JAKMIP2: variants seen among roughly 807,000 people sequenced by gnomAD.
JAKMIP2 encodes the protein janus kinase and microtubule-interacting protein 2.
JAKMIP2 carries 25 observed loss-of-function variants against 115.0 expected under a neutral mutation model. The ratio of observed to expected loss-of-function variants is 0.22; its 90% CI spans 0.16 to 0.30. The LOEUF (loss-of-function observed/expected upper bound fraction) is 0.30. JAKMIP2 is among the 10% of genes least tolerant of loss of function. The pLI is 1.00. For synonymous variants in JAKMIP2, 334 were observed against 343.6 expected, an observed-to-expected ratio of 0.97 and a Z score of 0.31; for missense variants, 642 against 957.6, an observed-to-expected ratio of 0.67 and a Z score of 4.35.
At chr5:147,654,295 A>G (rs1476053047) in intron 3 of JAKMIP2, among the ~76,000 whole-genome samples, 1 of 151,410 alleles carries the variant, frequency 6.6e-6, no homozygotes, top group Non-Finnish European at 1.5e-5. Flanking sequence ...TCTATAAATT[A>G]CTTTTGTCAG....
chr5:147,623,224 CTT>C (rs199676287), intron 17 of JAKMIP2, among the ~76,000 whole-genome samples: 11 of 138,698 alleles, frequency 7.9e-5, no homozygotes, highest in East Asian at 2.1e-4. Context: ...TTGTTCTACT[CTT>C]TTTTTTTTTT....
At chr5:147,723,110 A>G (rs1753383319) in intron 1 of JAKMIP2, among the ~76,000 whole-genome samples, 1 of 152,162 alleles carries the variant, frequency 6.6e-6, no homozygotes, top group Non-Finnish European at 1.5e-5. Context: ...GCATTTCACT[A>G]GTAGGGTTGG....
intron 12 of JAKMIP2, among the ~76,000 whole-genome samples, chr5:147,635,215 G>T (rs1162819980): frequency 1.3e-5 from 2 of 152,110 alleles, no homozygotes; most frequent in Non-Finnish European, 2.9e-5. Flanking sequence ...CACTAGATTT[G>T]TAGAAGGTAA....
chr5:147,740,772 G>A (rs547832037), intron 1 of JAKMIP2, among the ~76,000 whole-genome samples: 6 of 152,278 alleles, frequency 3.9e-5, no homozygotes, highest in African/African-American at 9.6e-5. Context: ...GTATGTGCTT[G>A]ATAAATGATA....
intron 1 of JAKMIP2, among the ~76,000 whole-genome samples, chr5:147,771,965 AT>A (rs995701484): frequency 1.4e-4 from 21 of 151,968 alleles, no homozygotes; most frequent in African/African-American, 5.1e-4. Flanking sequence ...CTCTTGGTTT[AT>A]TTTGCTGTTT....
At chr5:147,620,832 A>G (rs1756814699) in intron 17 of JAKMIP2, 89 bp from the exon 18 acceptor site, 4 of 926,826 alleles carry the variant, frequency 4.3e-6, no homozygotes, top group African/African-American at 1.6e-5. Flanking sequence ...CTCTAATTCT[A>G]CCATAAGACA....
chr5:147,666,786 T>C (rs1481924318), intron 2 of JAKMIP2, among the ~76,000 whole-genome samples: 1 of 152,206 alleles, frequency 6.6e-6, no homozygotes. Context: ...AAACTGGGAT[T>C]GTCGATATCA....
In JAKMIP2 at chr5:147,596,380, G is replaced by A. The variant is rs964265810; in HGVS notation, c.*21-4694C>T. On this transcript the variant is annotated intron_variant, in intron 21 of 21. Coordinates refer to ENST00000616793, the MANE Select transcript of JAKMIP2 (RefSeq NM_001270941.2). ...TGGAAGCACTGAGCCCAGTTAGTGG[G>A]CTACTTCAGCTGTGGAGGAGGGGAT... Among the ~76,000 whole-genome samples, 3 of 152,062 alleles carry A rather than the reference G, an allele frequency of 2.0e-5. No homozygotes were observed. The East Asian group carries it at 5.8e-4, about 29-fold the overall frequency.
At chr5:147,639,253 G>A (rs1285358634) in intron 10 of JAKMIP2, among the ~76,000 whole-genome samples, 1 of 152,166 alleles carries the variant, frequency 6.6e-6, no homozygotes, top group African/African-American at 2.4e-5. Flanking sequence ...ATACGTAAAC[G>A]CTGGGCACTT....
chr5:147,721,392 A>C (rs1421896678), intron 1 of JAKMIP2, among the ~76,000 whole-genome samples: 4 of 152,212 alleles, frequency 2.6e-5, no homozygotes, highest in Non-Finnish European at 4.4e-5. Context: ...TGGAGCTTCG[A>C]GGCTGCTTTG....
chr5:147,702,813 A>T (rs1031997010), intron 1 of JAKMIP2, among the ~76,000 whole-genome samples: 16 of 152,056 alleles, frequency 1.1e-4, no homozygotes, highest in African/African-American at 3.9e-4. Context: ...TTCCATTTAT[A>T]TGAGATAAAT....
intron 1 of JAKMIP2, among the ~76,000 whole-genome samples, chr5:147,672,494 T>C (rs1371054628): frequency 1.3e-5 from 2 of 152,234 alleles, no homozygotes; most frequent in Non-Finnish European, 2.9e-5. Flanking sequence ...TAGAGCTCTT[T>C]CCATATGCTG....
chr5:147,647,247 A>T (rs976866815), intron 5 of JAKMIP2, among the ~76,000 whole-genome samples: 20 of 152,078 alleles, frequency 1.3e-4, no homozygotes, highest in African/African-American at 4.6e-4. Context: ...CTTCTAAGTG[A>T]CCCATATATC....
chr5:147,611,555 C>A (rs1033869080), intron 20 of JAKMIP2, among the ~76,000 whole-genome samples: 10 of 152,176 alleles, frequency 6.6e-5, no homozygotes, highest in Non-Finnish European at 1.5e-4. Flanking sequence ...CCAGGTACCT[C>A]AGTTAGAAAT....
rs146284502 is a variant in JAKMIP2 at position 147,598,150 on chromosome 5, G to A, written c.*20+3591C>T. ...AAAGTAGCTGGGACTACAGGCGCCC[G>A]CCACCACGCCTGGCTAATTTTTGTA... On this transcript the variant is annotated intron_variant, in intron 21 of 21. Transcript: ENST00000616793. Among the ~76,000 whole-genome samples the A allele has an allele frequency of 5.5e-3, 831 of 152,084 alleles. 5 individuals are homozygous for A. The highest frequency in any genetic ancestry group is 0.01 in the Admixed American group (156 of 15,262).
intron 12 of JAKMIP2, among the ~76,000 whole-genome samples, chr5:147,635,527 T>C (rs956700362): frequency 6.6e-6 from 1 of 152,170 alleles, no homozygotes; most frequent in Non-Finnish European, 1.5e-5. Flanking sequence ...TCTCACAAAA[T>C]AACAAGTTCT....
At chr5:147,606,050 T>G (rs955132638) in intron 20 of JAKMIP2, among the ~76,000 whole-genome samples, 21 of 152,212 alleles carry the variant, frequency 1.4e-4, no homozygotes, top group Admixed American at 9.2e-4. Context: ...CCTTGTAAAT[T>G]TGTTTAAGTT....
chr5:147,627,225 C>T (rs1283707058), intron 16 of JAKMIP2, among the ~76,000 whole-genome samples: 1 of 152,076 alleles, frequency 6.6e-6, no homozygotes, highest in East Asian at 1.9e-4. Context: ...GTAGCACAGG[C>T]CACTGTGGGA....
intron 1 of JAKMIP2, among the ~76,000 whole-genome samples, chr5:147,693,334 T>C (rs1487335335): frequency 1.3e-5 from 2 of 152,196 alleles, no homozygotes; most frequent in Admixed American, 6.5e-5. Flanking sequence ...TTCATGTAAA[T>C]ACATACCAAA....
Sources: allele counts gnomAD v4.1 joint callset (sites outside exome capture counted in the v4.1 genomes callset), GRCh38; gene constraint gnomAD v4.1.1; transcripts MANE v1.5; gene names NCBI Gene and HGNC (gene_info 2026-07-23, HGNC 2026-07-21).